The following NHSL2 variants were observed in gnomAD, a reference collection of about 807,000 sequenced individuals.
The protein encoded by NHSL2 is NHS-like protein 2.
Under a neutral mutation model 53.4 loss-of-function variants are expected in NHSL2, and 27 were observed. The ratio of observed to expected loss-of-function variants is 0.51; its 90% CI spans 0.37 to 0.70. The LOEUF is 0.70. Among genes scored for constraint, NHSL2 ranks in the 30% least tolerant of loss-of-function variants. The probability of loss-of-function intolerance (pLI) is 0.00; values close to 1 mark genes in which losing one functional copy is unlikely to be tolerated. For missense variants in NHSL2, 892 were observed against 980.1 expected (o/e 0.91, Z 1.20); for synonymous variants, 408 against 404.1 (o/e 1.01, Z -0.12).
chrX:71,931,091 C>T (rs2041710722), intron 1 of NHSL2, among the ~76,000 whole-genome samples: 2 of 112,251 alleles, frequency 1.8e-5, no homozygotes, highest in East Asian at 2.8e-4. Flanking sequence ...TTATAGCCAT[C>T]CTAGGGAGTG....
intron 1 of NHSL2, among the ~76,000 whole-genome samples, chrX:72,107,173 T>C (rs923041200): frequency 1.2e-4 from 13 of 110,347 alleles, no homozygotes. Flanking sequence ...CCTGTAATCC[T>C]AGCACTTTGG....
intron 1 of NHSL2, among the ~76,000 whole-genome samples, chrX:72,026,643 G>A (rs181623107): frequency 4.3e-4 from 49 of 112,664 alleles, no homozygotes; most frequent in African/African-American, 1.5e-3. Flanking sequence ...ATGGAGGTGA[G>A]GGCGAGATAA....
chrX:71,947,516 A>G (rs147141170), intron 1 of NHSL2, among the ~76,000 whole-genome samples: 2 of 112,376 alleles, frequency 1.8e-5, no homozygotes, highest in Non-Finnish European at 3.8e-5. Flanking sequence ...TTGTTTTCCA[A>G]ATCACTCCCT....
chrX:71,947,419 C>T (rs2041797728), intron 1 of NHSL2, among the ~76,000 whole-genome samples: 2 of 112,473 alleles, frequency 1.8e-5, no homozygotes, highest in South Asian at 3.7e-4. Context: ...TTAAGGAACA[C>T]AATTCAAGAA....
intron 1 of NHSL2, among the ~76,000 whole-genome samples, chrX:71,916,310 T>C (rs1191257944): frequency 2.7e-5 from 3 of 112,437 alleles, no homozygotes; most frequent in Non-Finnish European, 5.6e-5. Context: ...CAAAAGTGCA[T>C]TTAGCATACA....
At position 72,128,750 on chromosome X, in the gene NHSL2, C is replaced by G. The variant is rs141151811; in HGVS notation, c.281-3329C>G. The G allele has an allele frequency of 1.1e-4, 12 of 113,022 alleles. No individual in the cohort carries two copies. The East Asian group carries it at 3.1e-3, about 29-fold the overall frequency. The allele number at this position is 113,022 out of a possible 1,213,427, so 9.3% of individuals were successfully genotyped here. A position where few individuals can be genotyped will look rare whatever the true frequency, so the allele number is the denominator to read the frequency against. ...GCTCAGAGCAGGCCATGGGCCCTCT[C>G]TCTGTCTGTCCCAGAAGGAATGGCC... On this transcript the variant is annotated intron_variant, in intron 1 of 7. Transcript: ENST00000633930.
intron 1 of NHSL2, among the ~76,000 whole-genome samples, chrX:71,926,757 G>A (rs2041687646): frequency 9.0e-6 from 1 of 111,262 alleles, no homozygotes; most frequent in African/African-American, 3.3e-5. Context: ...CTAAGTTCAG[G>A]GTGTGGGGTT....
rs1430068611 is a variant in NHSL2, at chrX:72,118,763, A to G, written c.281-13316A>G. Among the ~76,000 whole-genome samples the G allele has an allele frequency of 2.7e-5, 3 of 112,025 alleles. No individual in the cohort carries two copies. In the East Asian group the frequency reaches 8.3e-4, roughly 31 times the overall value. On this transcript the variant is annotated intron_variant, in intron 1 of 7. Coordinates refer to ENST00000633930, the MANE Select transcript of NHSL2 (RefSeq NM_001013627.3). ...CTTGATGGCATTATTTGTGAACAAA[A>G]GTTTTTAATTTTGATGAAGTCAAAT...
intron 1 of NHSL2, among the ~76,000 whole-genome samples, chrX:72,047,722 C>T (rs749288460): frequency 7.2e-5 from 8 of 111,826 alleles, no homozygotes; most frequent in Non-Finnish European, 1.1e-4. Flanking sequence ...AGAAGGGTGG[C>T]CTCATGCTAT....
intron 1 of NHSL2, among the ~76,000 whole-genome samples, chrX:72,051,893 C>A (rs1039244411): frequency 8.9e-6 from 1 of 112,045 alleles, no homozygotes; most frequent in Non-Finnish European, 1.9e-5. Flanking sequence ...TCATTTCTCA[C>A]AACTTGCCTC....
At chrX:72,103,177 A>G (rs1246852819) in intron 1 of NHSL2, among the ~76,000 whole-genome samples, 3 of 112,088 alleles carry the variant, frequency 2.7e-5, no homozygotes, top group Non-Finnish European at 5.6e-5. Flanking sequence ...CACGCCTGGG[A>G]AAGCTTGGAT....
rs776516016 is a variant in NHSL2, at chrX:72,124,401, T to C, written c.281-7678T>C. 2.7e-5 allele frequency among the ~76,000 whole-genome samples: 3 copies of C among 111,661 alleles called. No individual in the cohort carries two copies. The East Asian group carries it at 8.5e-4, about 31-fold the overall frequency. Reference sequence around the variant, plus strand: ...CCTGCTGAGGGATCGTCACGCATGCTATGTTTCTTGATCACTTACTTTGTG... The same window carrying C: ...CCTGCTGAGGGATCGTCACGCATGCCATGTTTCTTGATCACTTACTTTGTG... On this transcript the variant is annotated intron_variant, in intron 1 of 7. Transcript: ENST00000633930.
chrX:71,917,198 G>A (rs1206863650), intron 1 of NHSL2, among the ~76,000 whole-genome samples: 1 of 110,489 alleles, frequency 9.1e-6, no homozygotes, highest in Non-Finnish European at 1.9e-5. Flanking sequence ...GTATCAGCCA[G>A]TTAACTTGGG....
chrX:72,090,592 A>G (rs1016289409), intron 1 of NHSL2, among the ~76,000 whole-genome samples: 1 of 111,690 alleles, frequency 9.0e-6, no homozygotes, highest in Non-Finnish European at 1.9e-5. Context: ...TTTTTAAAGT[A>G]CTATATGTCT....
At chrX:72,077,461 G>A (rs763257087) in intron 1 of NHSL2, among the ~76,000 whole-genome samples, 13 of 111,007 alleles carry the variant, frequency 1.2e-4, no homozygotes, top group East Asian at 5.7e-4. Context: ...GCTCCCCACC[G>A]CCCTCAATTA....
chrX:72,110,675 C>A (rs2042083753), intron 1 of NHSL2, among the ~76,000 whole-genome samples: 1 of 96,377 alleles, frequency 1.0e-5, no homozygotes, highest in African/African-American at 3.9e-5. Flanking sequence ...AGACTTTGGA[C>A]AGGACGCTGA....
intron 1 of NHSL2, among the ~76,000 whole-genome samples, chrX:71,941,109 T>C (rs988862706): frequency 8.9e-6 from 1 of 111,937 alleles, no homozygotes; most frequent in African/African-American, 3.2e-5. Context: ...TGCTTACAAC[T>C]TCTCTCTATT....
intron 1 of NHSL2, among the ~76,000 whole-genome samples, chrX:72,046,038 A>G (rs1455679343): frequency 8.9e-6 from 1 of 111,828 alleles, no homozygotes; most frequent in East Asian, 2.8e-4. Context: ...TATCATGTTC[A>G]TGGCCAATGA....
At chrX:71,929,809 C>T (rs187095969) in intron 1 of NHSL2, among the ~76,000 whole-genome samples, 17 of 109,875 alleles carry the variant, frequency 1.5e-4, no homozygotes, top group African/African-American at 3.7e-4. Context: ...GGCTGAAGTG[C>T]GGTGGCATGA....
Sources: gnomAD v4.1 joint callset for allele counts (sites outside exome capture counted in the v4.1 genomes callset) on GRCh38, gnomAD v4.1.1 for gene constraint, MANE v1.5 for transcripts, NCBI Gene and HGNC (gene_info 2026-07-23, HGNC 2026-07-21) for gene names.